The following RAD23B variants were observed in gnomAD, a reference collection of about 807,000 sequenced individuals.
The protein encoded by RAD23B is lysine-specific demethylase RAD23B.
RAD23B carries 5 observed loss-of-function variants against 49.1 expected under a neutral mutation model. The observed-to-expected ratio is 0.10, with a 90% CI of 0.05 to 0.21. The LOEUF is 0.21. RAD23B is among the 10% of genes least tolerant of loss of function. The pLI is 1.00. For synonymous variants in RAD23B, 184 were observed against 165.4 expected (o/e 1.11, Z -0.86); for missense variants, 356 against 486.7 (o/e 0.73, Z 2.53).
At chr9:107,304,800 C>G (rs1018363081) in intron 3 of RAD23B, among the ~76,000 whole-genome samples, 3 of 152,152 alleles carry the variant, frequency 2.0e-5, no homozygotes, top group African/African-American at 7.2e-5. Flanking sequence ...GACCCTTGAA[C>G]ACCACTGAGC....
chr9:107,288,612 A>AT (rs913681111), intron 1 of RAD23B, among the ~76,000 whole-genome samples: 2 of 151,902 alleles, frequency 1.3e-5, no homozygotes, highest in African/African-American at 4.8e-5. Flanking sequence ...CACCTGGTTA[A>AT]TTTTTTTGTA....
chr9:107,322,562 A>T (rs960522984), intron 7 of RAD23B, among the ~76,000 whole-genome samples: 2 of 152,240 alleles, frequency 1.3e-5, no homozygotes, highest in Admixed American at 6.5e-5. Flanking sequence ...CTAGAGGAGA[A>T]AGCAAAGCTT....
rs1206344644 is a variant in RAD23B, at chr9:107,329,969, T to G, written c.*313T>G. 1.7e-5 allele frequency: 3 copies of G among 174,686 alleles called. No homozygotes were observed. The highest frequency in any genetic ancestry group is 7.1e-5 in the African/African-American group (3 of 42,344). 10.8% of individuals were successfully genotyped at this position (174,686 alleles called of 1,614,324 possible). On this transcript the variant is annotated 3_prime_UTR_variant, in exon 10 of 10. Transcript: ENST00000358015. ...GTTTCACTCTTTTTAGTGTACTAGA[T>G]CCAGAAACTTAGTGTAATGCCCTGC... is the stretch of plus-strand genomic sequence containing the variant.
At chr9:107,313,265 G>T (rs568735959) in intron 5 of RAD23B, among the ~76,000 whole-genome samples, 4 of 149,946 alleles carry the variant, frequency 2.7e-5, no homozygotes, top group Non-Finnish European at 4.4e-5. Flanking sequence ...TCACTCTGTC[G>T]CCCAGGCTGG....
intron 5 of RAD23B, among the ~76,000 whole-genome samples, chr9:107,312,920 C>T (rs980316730): frequency 1.1e-4 from 17 of 152,168 alleles, no homozygotes; most frequent in African/African-American, 3.4e-4. Context: ...CCTGGGAGGC[C>T]ATGCTGTAGC....
Position 107,300,179 on chromosome 9 carries a change from G to T in RAD23B, c.105G>T (p.Gly35=), listed in dbSNP as rs1175331258. 6.2e-7 allele frequency: 1 copy of T among 1,609,258 alleles called. No homozygotes were observed. Among genetic ancestry groups the T allele is most frequent in the Non-Finnish European group, 8.5e-7 (1 of 1,177,670 alleles). Reference sequence around the variant, plus strand: ...AAGAGAAGATTGAATCTGAAAAGGGGAAAGATGCCTTTCCAGTAGCAGGTC... The same window carrying T: ...AAGAGAAGATTGAATCTGAAAAGGGTAAAGATGCCTTTCCAGTAGCAGGTC... ...ALKEKIESEK[G]KDAFPVAGQK... is the part of the protein sequence containing the mutation. The change falls in exon 2 of 10, where the codon GGG becomes GGT. Residue 35 remains glycine, a synonymous_variant. Coordinates refer to ENST00000358015, the MANE Select transcript of RAD23B (RefSeq NM_002874.5).
At chr9:107,305,484 A>C (rs777952907) in intron 3 of RAD23B, among the ~76,000 whole-genome samples, 1 of 152,154 alleles carries the variant, frequency 6.6e-6, no homozygotes, top group East Asian at 1.9e-4. Context: ...AGGCACACTC[A>C]GTGTAACTTA....
In RAD23B at chr9:107,283,328, T is replaced by A. The variant is rs2133057074; in HGVS notation, c.-302T>A. 2.4e-6 allele frequency: 1 copy of A among 417,984 alleles called. No individual in the cohort carries two copies. The highest frequency in any genetic ancestry group is 3.6e-5 in the East Asian group (1 of 28,166). 25.9% of individuals were successfully genotyped at this position (417,984 alleles called of 1,614,324 possible). ...TCCTGTGGTGAGCTAGCGGATTCCC[T>A]GCTTGTCTCGCCGACCCCCTCGCGC... On this transcript the variant is annotated 5_prime_UTR_variant, in exon 1 of 10. Transcript: ENST00000358015.
chr9:107,296,004 A>G (rs1034172445), intron 1 of RAD23B, among the ~76,000 whole-genome samples: 2 of 152,262 alleles, frequency 1.3e-5, no homozygotes, highest in African/African-American at 2.4e-5. Context: ...AAGAGCAAGT[A>G]TAGTGAACAG....
chr9:107,291,446 C>T (rs775861650), intron 1 of RAD23B, among the ~76,000 whole-genome samples: 1 of 152,144 alleles, frequency 6.6e-6, no homozygotes, highest in Non-Finnish European at 1.5e-5. Flanking sequence ...CCTTTTGGAT[C>T]ATAACCCCAG....
Position 107,327,190 on chromosome 9 carries a change from T to C in RAD23B, c.1116+2186T>C, listed in dbSNP as rs568458180. 2.8e-4 allele frequency among the ~76,000 whole-genome samples: 42 copies of C among 152,314 alleles called. 1 individual carries two copies. The highest frequency in any genetic ancestry group is 9.9e-4 in the African/African-American group (41 of 41,576). On this transcript the variant is annotated intron_variant, in intron 9 of 9. Coordinates refer to ENST00000358015, the MANE Select transcript of RAD23B (RefSeq NM_002874.5). ...ATTTTGTTCATTTTGTGGTGGTTGTTGTTAATGACAAAAATAACTTTGGGT... is the reference window on the plus strand; with the variant it reads ...ATTTTGTTCATTTTGTGGTGGTTGTCGTTAATGACAAAAATAACTTTGGGT...
intron 9 of RAD23B, among the ~76,000 whole-genome samples, chr9:107,327,425 T>G (rs922320364): frequency 2.0e-5 from 3 of 152,210 alleles, no homozygotes; most frequent in African/African-American, 7.2e-5. Flanking sequence ...TCCTTCTGCG[T>G]TTATGCTATA....
chr9:107,311,464 TAGA>T (rs1826885223), intron 4 of RAD23B, among the ~76,000 whole-genome samples: 2 of 152,156 alleles, frequency 1.3e-5, no homozygotes, highest in South Asian at 2.1e-4. Context: ...AGTCTCAGAA[TAGA>T]AGGAGTACCA....
chr9:107,306,079 AT>A (rs1196628974), intron 3 of RAD23B, among the ~76,000 whole-genome samples: 2 of 97,966 alleles, frequency 2.0e-5, no homozygotes, highest in Admixed American at 9.8e-5. Flanking sequence ...ATATCTATAT[AT>A]CTATATATAT....
chr9:107,301,120 C>A (rs1251070025), intron 2 of RAD23B, among the ~76,000 whole-genome samples: 1 of 152,196 alleles, frequency 6.6e-6, no homozygotes, highest in East Asian at 1.9e-4. Flanking sequence ...ACTAGAGAGT[C>A]CTAGCTACCT....
Position 107,290,874 on chromosome 9 carries a change from G to A in RAD23B, c.66+7179G>A, listed in dbSNP as rs112270405. 4.7e-3 allele frequency among the ~76,000 whole-genome samples: 720 copies of A among 152,262 alleles called. 9 individuals carry two copies. Among genetic ancestry groups the A allele is most frequent in the African/African-American group, 0.016 (668 of 41,536 alleles). ...AAATCAATGAACAAGGTCCTGCCGC[G>A]ATAGATGCCGTATAGGATTCCAGTT... On this transcript the variant is annotated intron_variant, in intron 1 of 9. Coordinates refer to ENST00000358015, the MANE Select transcript of RAD23B (RefSeq NM_002874.5).
Position 107,332,019 on chromosome 9 carries a change from G to A in RAD23B, c.*2363G>A. On this transcript the variant is annotated 3_prime_UTR_variant, in exon 10 of 10. Transcript: ENST00000358015. ...CTTGAAATCTTTTTCTCGTTTAGTT[G>A]CTCTGTGGGAAATGTGAGGAAGCCT... The A allele has an allele frequency of 2.7e-6, 1 of 367,558 alleles. No homozygotes were observed. The highest frequency in any genetic ancestry group is 4.8e-6 in the Non-Finnish European group (1 of 207,534). 22.8% of individuals were successfully genotyped at this position (367,558 alleles called of 1,614,324 possible).
intron 5 of RAD23B, among the ~76,000 whole-genome samples, chr9:107,313,300 A>G (rs1587858426): frequency 6.6e-6 from 1 of 151,354 alleles, no homozygotes; most frequent in East Asian, 1.9e-4. Context: ...ATCTCAGCTC[A>G]CTGCAACCTC....
rs1827317771 is a variant in RAD23B at position 107,331,947 on chromosome 9, G to A, written c.*2291G>A. On this transcript the variant is annotated 3_prime_UTR_variant, in exon 10 of 10. Coordinates refer to ENST00000358015, the MANE Select transcript of RAD23B (RefSeq NM_002874.5). ...TGTTTTGGTAAATCTCTTAATGTAA[G>A]TAGCTATTTGACTTTGGAATTTTGC... The A allele has an allele frequency of 1.8e-5, 8 of 432,936 alleles. No homozygotes were observed. In the East Asian group the frequency reaches 2.6e-4, roughly 14 times the overall value. The allele number at this position is 432,936 out of a possible 1,614,324, so 26.8% of individuals were successfully genotyped here.
Sources: gnomAD v4.1 joint callset for allele counts (sites outside exome capture counted in the v4.1 genomes callset) on GRCh38, gnomAD v4.1.1 for gene constraint, MANE v1.5 for transcripts, NCBI Gene and HGNC (gene_info 2026-07-23, HGNC 2026-07-21) for gene names.